Variants in VPS35L observed in about 807,000 individuals in gnomAD.
The protein encoded by VPS35L is VPS35 endosomal protein sorting factor like.
Under a neutral mutation model 133.0 loss-of-function variants are expected in VPS35L, and 83 were observed. That is an observed-to-expected ratio of 0.62 (90% CI 0.52 to 0.75). VPS35L has a LOEUF of 0.75. Among genes scored for constraint, VPS35L ranks in the 30% least tolerant of loss-of-function variants. VPS35L has a pLI of 0.00. For synonymous variants in VPS35L, 423 were observed against 449.9 expected, an observed-to-expected ratio of 0.94 and a Z score of 0.76; for missense variants, 1,083 against 1,206.8, an observed-to-expected ratio of 0.90 and a Z score of 1.52.
chr16:19,653,803 C>A (rs1478175455), intron 26 of VPS35L, among the ~76,000 whole-genome samples: 1 of 152,210 alleles, frequency 6.6e-6, no homozygotes, highest in African/African-American at 2.4e-5. Flanking sequence ...TTTTGGGGAT[C>A]ATCTGTGTCA....
intron 7 of VPS35L, among the ~76,000 whole-genome samples, chr16:19,590,884 G>A (rs2151527405): frequency 6.6e-6 from 1 of 152,236 alleles, no homozygotes; most frequent in East Asian, 1.9e-4. Context: ...GAGCCCAGGA[G>A]TTCATTGCTG....
chr16:19,626,785 A>C (rs1973277999), intron 15 of VPS35L, among the ~76,000 whole-genome samples: 1 of 152,032 alleles, frequency 6.6e-6, no homozygotes, highest in Non-Finnish European at 1.5e-5. Flanking sequence ...AAAAAGTAAT[A>C]ATAATAGTTA....
At chr16:19,673,065 G>T (rs571774375) in intron 27 of VPS35L, among the ~76,000 whole-genome samples, 2 of 152,328 alleles carry the variant, frequency 1.3e-5, no homozygotes, top group Non-Finnish European at 2.9e-5. Context: ...CAGAGCTTCA[G>T]TTGTCACCTT....
At chr16:19,597,499 G>A (rs1005879794) in intron 8 of VPS35L, among the ~76,000 whole-genome samples, 2 of 152,216 alleles carry the variant, frequency 1.3e-5, no homozygotes, top group Non-Finnish European at 2.9e-5. Context: ...GGTGTGCAGG[G>A]CAGTGAGGTG....
At chr16:19,609,104 G>T (rs878993891) in intron 11 of VPS35L, 83 bp downstream of exon 11, 26 of 1,192,690 alleles carry the variant, frequency 2.2e-5, no homozygotes, top group Middle Eastern at 1.9e-4. Flanking sequence ...CAATGTAATA[G>T]TAGCCATTAT....
At chr16:19,584,494 G>A (rs1158462634) in intron 7 of VPS35L, among the ~76,000 whole-genome samples, 1 of 151,964 alleles carries the variant, frequency 6.6e-6, no homozygotes, top group Non-Finnish European at 1.5e-5. Context: ...GGGCATGGTG[G>A]CAGGTGCCTG....
chr16:19,633,072 G>A lies in VPS35L; in HGVS notation c.1555-20G>A, dbSNP rs1215307790. 1 of 1,610,270 alleles carries A rather than the reference G, an allele frequency of 6.2e-7. No individual in the cohort carries two copies. On this transcript the variant is annotated intron_variant, in intron 18 of 30. Transcript: ENST00000417362. The surrounding 1 kb of genome is among the most constrained non-coding windows in gnomAD (Gnocchi z 4.1). ...GCCATACAGTGTCTAATTCAGGTTT[G>A]GTTCCTTTTTCCTGCTTAGAAACGA...
intron 6 of VPS35L, chr16:19,579,929 G>A (rs557760494): frequency 6.6e-6 from 1 of 152,030 alleles, no homozygotes; most frequent in South Asian, 2.1e-4. Context: ...GCCAGGCGCG[G>A]TGGCTCATGC....
intron 19 of VPS35L, among the ~76,000 whole-genome samples, chr16:19,636,514 A>G (rs1421662802): frequency 6.6e-6 from 1 of 152,222 alleles, no homozygotes; most frequent in Non-Finnish European, 1.5e-5. Flanking sequence ...TTAACCAGAC[A>G]GCATTGCAGT....
At chr16:19,643,785 T>TA (rs35161194) in intron 22 of VPS35L, among the ~76,000 whole-genome samples, 12,421 of 144,596 alleles carry the variant, frequency 0.086, 995 homozygotes, top group African/African-American at 0.21. Context: ...GTCTCTACTT[T>TA]AAAAAAAAAA....
intron 18 of VPS35L, among the ~76,000 whole-genome samples, chr16:19,630,233 G>A (rs1973403230): frequency 6.6e-6 from 1 of 151,880 alleles, no homozygotes; most frequent in Admixed American, 6.6e-5. Flanking sequence ...GGGGAATACT[G>A]GGCTTCTCAA....
chr16:19,683,776 C>T (rs187953703), intron 28 of VPS35L, among the ~76,000 whole-genome samples: 1 of 152,318 alleles, frequency 6.6e-6, no homozygotes, highest in East Asian at 1.9e-4. Context: ...GTGCATGTGT[C>T]CTTTCAGTAG....
intron 28 of VPS35L, among the ~76,000 whole-genome samples, chr16:19,689,171 G>T (rs1975577536): frequency 6.6e-6 from 1 of 151,512 alleles, no homozygotes; most frequent in Non-Finnish European, 1.5e-5. Context: ...TAGAGACGGG[G>T]TTTCACCATG....
At chr16:19,560,168 G>A (rs1039902904) in intron 1 of VPS35L, among the ~76,000 whole-genome samples, 3 of 152,072 alleles carry the variant, frequency 2.0e-5, no homozygotes, top group East Asian at 1.9e-4. Flanking sequence ...TCTCACTTTC[G>A]ACAAGTTACC....
chr16:19,591,740 C>T (rs746110294), intron 7 of VPS35L, 50 bp from the exon 8 acceptor site: 1 of 1,370,742 alleles, frequency 7.3e-7, no homozygotes, highest in Non-Finnish European at 1.0e-6. Context: ...AGTGTCCTAC[C>T]CATACCAGAC....
intron 26 of VPS35L, among the ~76,000 whole-genome samples, chr16:19,666,311 C>G (rs114009587): frequency 1.3e-5 from 2 of 151,958 alleles, no homozygotes; most frequent in African/African-American, 4.8e-5. Context: ...AAAAAAAATC[C>G]GTTATATCTT....
Position 19,691,469 on chromosome 16 carries a change from G to A in VPS35L, c.2644G>A (p.Glu882Lys), listed in dbSNP as rs1278139223. 5.6e-6 allele frequency: 9 copies of A among 1,611,752 alleles called. No individual in the cohort carries two copies. Among genetic ancestry groups the A allele is most frequent in the South Asian group, 1.1e-5 (1 of 90,998 alleles). ...LEHLKTLAKD[E>K]ALKRQSSLGL... ...GCATCTGAAAACCCTGGCCAAGGACGAGGTGGGTGCCCTCTGCTGTCCTCC... is the reference window on the plus strand; with the variant it reads ...GCATCTGAAAACCCTGGCCAAGGACAAGGTGGGTGCCCTCTGCTGTCCTCC... The change falls in exon 29 of 31, where the codon GAG becomes AAG. Residue 882 changes from glutamate to lysine, a missense_variant and splice_region_variant. Transcript: ENST00000417362.
intron 3 of VPS35L, 58 bp downstream of exon 3, chr16:19,569,649 G>T (rs1295189297): frequency 1.4e-6 from 2 of 1,459,132 alleles, no homozygotes; most frequent in South Asian, 1.5e-5. Context: ...TGCAGGAATG[G>T]GTGGTTTTCT....
chr16:19,668,419 T>A (rs1974765911), intron 26 of VPS35L, among the ~76,000 whole-genome samples: 1 of 152,128 alleles, frequency 6.6e-6, no homozygotes, highest in Non-Finnish European at 1.5e-5. Flanking sequence ...CTCTCCCTCA[T>A]CCCTTCCACC....
Sources: allele counts gnomAD v4.1 joint callset (sites outside exome capture counted in the v4.1 genomes callset), GRCh38; gene constraint gnomAD v4.1.1; non-coding constraint Gnocchi (gnomAD v3.1); transcripts MANE v1.5; gene names NCBI Gene and HGNC (gene_info 2026-07-23, HGNC 2026-07-21).